DCC: variants seen among roughly 807,000 people sequenced by gnomAD.
DCC encodes netrin receptor DCC.
Under a neutral mutation model 172.5 loss-of-function variants are expected in DCC, and 58 were observed. The observed-to-expected ratio is 0.34, with a 90% CI of 0.27 to 0.42. The LOEUF is 0.42. DCC is among the 10% of genes least tolerant of loss of function. The probability of loss-of-function intolerance (pLI) is 1.00; values close to 1 mark genes in which losing one functional copy is unlikely to be tolerated. For missense variants in DCC, 1,740 were observed against 1,791.0 expected (o/e 0.97, Z 0.51); for synonymous variants, 709 against 644.5 (o/e 1.10, Z -1.52).
intron 12 of DCC, among the ~76,000 whole-genome samples, chr18:53,276,521 G>A (rs894214173): frequency 2.0e-5 from 3 of 152,074 alleles, no homozygotes; most frequent in African/African-American, 7.2e-5. Flanking sequence ...TTTCCTTACT[G>A]ACCTTTCCAG....
chr18:52,673,802 T>C (rs11875612), intron 1 of DCC, among the ~76,000 whole-genome samples: 3,366 of 152,264 alleles, frequency 0.022, 66 homozygotes, highest in East Asian at 0.092. Context: ...TGAAAGTAAA[T>C]AGACCATGAT....
At chr18:53,494,595 T>C (rs1289522154) in intron 26 of DCC, among the ~76,000 whole-genome samples, 1 of 152,226 alleles carries the variant, frequency 6.6e-6, no homozygotes, top group African/African-American at 2.4e-5. Flanking sequence ...TTGATCTTTG[T>C]TGGCTTAAAG....
intron 7 of DCC, among the ~76,000 whole-genome samples, chr18:53,133,558 A>G (rs990421114): frequency 2.6e-5 from 4 of 152,134 alleles, no homozygotes; most frequent in Admixed American, 2.0e-4. Flanking sequence ...CCCTTAACCT[A>G]TTCACCAAGG....
chr18:53,295,551 TGTAA>T (rs74373368), intron 12 of DCC, among the ~76,000 whole-genome samples: 43,985 of 151,894 alleles, frequency 0.29, 8,141 homozygotes, highest in Non-Finnish European at 0.43. Flanking sequence ...AGATAGATAC[TGTAA>T]GTTAAACATT....
chr18:53,269,389 T>C (rs906802393), intron 12 of DCC, among the ~76,000 whole-genome samples: 1 of 152,170 alleles, frequency 6.6e-6, no homozygotes, highest in East Asian at 1.9e-4. Context: ...CATTAAAGCC[T>C]ATTAGTCAAC....
intron 14 of DCC, among the ~76,000 whole-genome samples, chr18:53,326,940 A>AC (rs956270039): frequency 3.3e-5 from 5 of 152,032 alleles, no homozygotes; most frequent in Admixed American, 6.6e-5. Flanking sequence ...TGTATAACTT[A>AC]CCCCCCTGCT....
chr18:52,538,734 A>G (rs2032354299), intron 1 of DCC, among the ~76,000 whole-genome samples: 1 of 152,106 alleles, frequency 6.6e-6, no homozygotes, highest in Admixed American at 6.5e-5. Flanking sequence ...TTTTCTTAAT[A>G]TAATTTTCTC....
intron 8 of DCC, among the ~76,000 whole-genome samples, chr18:53,161,191 A>G (rs1010559837): frequency 6.6e-6 from 1 of 152,228 alleles, no homozygotes; most frequent in African/African-American, 2.4e-5. Flanking sequence ...TCATATTCCA[A>G]TAATTATTTT....
At chr18:52,377,457 C>T (rs953795519) in intron 1 of DCC, among the ~76,000 whole-genome samples, 3 of 152,130 alleles carry the variant, frequency 2.0e-5, no homozygotes, top group Non-Finnish European at 4.4e-5. Flanking sequence ...TGTCACATTG[C>T]TACATTTTTC....
chr18:53,463,115 G>A (rs2045579813), intron 24 of DCC, among the ~76,000 whole-genome samples: 1 of 152,212 alleles, frequency 6.6e-6, no homozygotes, highest in Non-Finnish European at 1.5e-5. Flanking sequence ...GTTCTTGACT[G>A]GATATCAGGG....
chr18:52,874,603 T>C (rs2145390949), intron 2 of DCC, among the ~76,000 whole-genome samples: 1 of 152,310 alleles, frequency 6.6e-6, no homozygotes, highest in African/African-American at 2.4e-5. Flanking sequence ...CTTTTATGGG[T>C]CTCTATTGCT....
At chr18:53,156,351 G>T (rs2054733872) in intron 7 of DCC, among the ~76,000 whole-genome samples, 1 of 152,028 alleles carries the variant, frequency 6.6e-6, no homozygotes, top group Non-Finnish European at 1.5e-5. Flanking sequence ...AGGCGTGGGG[G>T]CACATGCCTG....
At chr18:52,927,316 T>A (rs1685588364) in intron 5 of DCC, among the ~76,000 whole-genome samples, 1 of 151,210 alleles carries the variant, frequency 6.6e-6, no homozygotes, top group Non-Finnish European at 1.5e-5. Context: ...TACTGGCATT[T>A]TTTCTTTGTG....
At position 52,930,665 on chromosome 18, in the gene DCC, T is replaced by C. The variant is rs1047462723; in HGVS notation, c.985+5295T>C. ...AAATTAAGATTTCATTTTATAGTTT[T>C]CTTGGACATTTGCATTTTACATTTT... On this transcript the variant is annotated intron_variant, in intron 5 of 28. Transcript: ENST00000442544. Among the ~76,000 whole-genome samples the C allele has an allele frequency of 7.9e-5, 12 of 152,288 alleles. No homozygotes were observed. The East Asian group carries it at 2.3e-3, about 29-fold the overall frequency.
chr18:52,896,475 T>C (rs189041670), intron 2 of DCC, among the ~76,000 whole-genome samples: 1 of 152,192 alleles, frequency 6.6e-6, no homozygotes, highest in African/African-American at 2.4e-5. Context: ...TAGTACCTTC[T>C]GTAAGAAGGA....
rs2046552633 is a variant in DCC, at chr18:53,534,427, A to G, written c.*3774A>G. ...CAGAGGTTACTATCCTAACCTGCTCATAACCATATACTATACAGAGCCCAC... is the reference window on the plus strand; with the variant it reads ...CAGAGGTTACTATCCTAACCTGCTCGTAACCATATACTATACAGAGCCCAC... On this transcript the variant is annotated 3_prime_UTR_variant, in exon 29 of 29. Coordinates refer to ENST00000442544, the MANE Select transcript of DCC (RefSeq NM_005215.4). 6.6e-6 allele frequency: 1 copy of G among 152,260 alleles called. No individual in the cohort carries two copies. Among genetic ancestry groups the G allele is most frequent in the Non-Finnish European group, 1.5e-5 (1 of 68,048 alleles). 9.4% of individuals were successfully genotyped at this position (152,260 alleles called of 1,614,324 possible).
chr18:53,248,091 T>C (rs1333987184), intron 12 of DCC, among the ~76,000 whole-genome samples: 1 of 152,020 alleles, frequency 6.6e-6, no homozygotes, highest in East Asian at 1.9e-4. Flanking sequence ...GATTAATAAA[T>C]GGGTTAATGT....
At position 53,460,959 on chromosome 18, in the gene DCC, T is replaced by G. The variant is rs956701799; in HGVS notation, c.3619+1501T>G. Among the ~76,000 whole-genome samples the G allele has an allele frequency of 2.0e-4, 30 of 152,328 alleles. 1 individual carries two copies. Among genetic ancestry groups the G allele is most frequent in the East Asian group, 1.2e-3 (6 of 5,178 alleles). On this transcript the variant is annotated intron_variant, in intron 24 of 28. Coordinates refer to ENST00000442544, the MANE Select transcript of DCC (RefSeq NM_005215.4). ...CAGGACCTGTTGTTTCCTGACTTTT[T>G]AATGATTGCCATTCTAACTGGTGTG...
intron 5 of DCC, among the ~76,000 whole-genome samples, chr18:52,951,787 G>C (rs1161034836): frequency 6.6e-6 from 1 of 152,164 alleles, no homozygotes; most frequent in Non-Finnish European, 1.5e-5. Context: ...AATAGCATTA[G>C]GGTCAACATT....
Sources: allele counts gnomAD v4.1 joint callset (sites outside exome capture counted in the v4.1 genomes callset), GRCh38; gene constraint gnomAD v4.1.1; transcripts MANE v1.5; gene names NCBI Gene and HGNC (gene_info 2026-07-23, HGNC 2026-07-21).